The following ERI3 variants were observed in gnomAD, a reference collection of about 807,000 sequenced individuals.
ERI3 encodes the protein ERI1 exoribonuclease family member 3.
Under a neutral mutation model 44.4 loss-of-function variants are expected in ERI3, and 18 were observed. The ratio of observed to expected loss-of-function variants is 0.41; its 90% CI spans 0.28 to 0.60. ERI3 has a LOEUF of 0.60. ERI3 is among the 20% of genes least tolerant of loss of function. The pLI is 0.36. For missense variants in ERI3, 294 were observed against 435.5 expected, an observed-to-expected ratio of 0.68 and a Z score of 2.89; for synonymous variants, 183 against 164.8, an observed-to-expected ratio of 1.11 and a Z score of -0.84.
At chr1:44,335,045 T>G (rs775640131) in intron 3 of ERI3, among the ~76,000 whole-genome samples, 6 of 152,048 alleles carry the variant, frequency 3.9e-5, no homozygotes, top group Non-Finnish European at 7.4e-5. Flanking sequence ...GGATCTTGAG[T>G]ACTGAAAGTT....
rs528450358 is a variant in ERI3 at position 44,275,253 on chromosome 1, C to T, written c.831+9582G>A. 1.3e-3 allele frequency among the ~76,000 whole-genome samples: 196 copies of T among 152,202 alleles called. 2 individuals carry two copies. Among genetic ancestry groups the T allele is most frequent in the African/African-American group, 4.2e-3 (176 of 41,536 alleles). ...CAGCCACCCTTCTATAGAGTCCTAGCTTCTGTAGCAGCTTAATCCCCACAG... is the reference window on the plus strand; with the variant it reads ...CAGCCACCCTTCTATAGAGTCCTAGTTTCTGTAGCAGCTTAATCCCCACAG... On this transcript the variant is annotated intron_variant, in intron 7 of 8. Transcript: ENST00000372257.
chr1:44,327,435 A>G lies in ERI3; in HGVS notation c.490-7691T>C, dbSNP rs370651977. Among the ~76,000 whole-genome samples, 31 of 152,354 alleles carry G rather than the reference A, an allele frequency of 2.0e-4. No homozygotes were observed. The South Asian group carries it at 5.6e-3, about 27-fold the overall frequency. On this transcript the variant is annotated intron_variant, in intron 3 of 8. Transcript: ENST00000372257. ...GTTCTACTAATAAGAGCTAATACCT[A>G]TAAGCCATTACATATCAAACACTGT...
intron 7 of ERI3, among the ~76,000 whole-genome samples, chr1:44,271,708 C>T (rs1645091323): frequency 2.0e-5 from 3 of 152,268 alleles, no homozygotes; most frequent in Admixed American, 2.0e-4. Context: ...ATTATCTCTA[C>T]CTTACAAATG....
rs1644439299 is a variant in ERI3 at position 44,241,720 on chromosome 1, A to C, written c.931+6219T>G. On this transcript the variant is annotated intron_variant, in intron 8 of 8. Coordinates refer to ENST00000372257, the MANE Select transcript of ERI3 (RefSeq NM_024066.3). The surrounding 1 kb of genome is among the most constrained non-coding windows in gnomAD (Gnocchi z 5.6). ...ATGGTTTGACAGGAGATACAGAGAG[A>C]GACAAGGGGAGGCGAGGCCGGGGCC... Among the ~76,000 whole-genome samples the C allele has an allele frequency of 6.6e-6, 1 of 152,136 alleles. No homozygotes were observed. Among genetic ancestry groups the C allele is most frequent in the African/African-American group, 2.4e-5 (1 of 41,436 alleles).
chr1:44,349,693 T>G (rs977700221), intron 2 of ERI3, among the ~76,000 whole-genome samples: 1 of 152,234 alleles, frequency 6.6e-6, no homozygotes, highest in Non-Finnish European at 1.5e-5. Flanking sequence ...AAAATTTGAT[T>G]AGTGATAAAA....
At chr1:44,293,273 A>T (rs1208528299) in intron 6 of ERI3, among the ~76,000 whole-genome samples, 1 of 152,238 alleles carries the variant, frequency 6.6e-6, no homozygotes, top group Non-Finnish European at 1.5e-5. Flanking sequence ...ATGATGCTGG[A>T]GGGAGCTGGC....
chr1:44,314,157 G>C (rs1027325436), intron 4 of ERI3, among the ~76,000 whole-genome samples: 2 of 151,442 alleles, frequency 1.3e-5, no homozygotes, highest in African/African-American at 4.8e-5. Flanking sequence ...GTGTGTTGGG[G>C]GGGGGGAGAT....
At chr1:44,246,279 C>T (rs938810272) in intron 8 of ERI3, among the ~76,000 whole-genome samples, 2 of 152,182 alleles carry the variant, frequency 1.3e-5, no homozygotes, top group Non-Finnish European at 2.9e-5. Flanking sequence ...ACTGAGTCCT[C>T]CTATCTAAAA....
Position 44,325,755 on chromosome 1 carries a change from A to C in ERI3, c.490-6011T>G, listed in dbSNP as rs552651752. Reference sequence around the variant, plus strand: ...CGGCTCACTGCAACCTCCGCCTCCCAGGTTCAAGTGATTCTCATGCCTCAG... The same window carrying C: ...CGGCTCACTGCAACCTCCGCCTCCCCGGTTCAAGTGATTCTCATGCCTCAG... On this transcript the variant is annotated intron_variant, in intron 3 of 8. Transcript: ENST00000372257. Among the ~76,000 whole-genome samples, 17 of 151,880 alleles carry C rather than the reference A, an allele frequency of 1.1e-4. No individual in the cohort carries two copies. The East Asian group carries it at 3.3e-3, about 30-fold the overall frequency.
intron 5 of ERI3, among the ~76,000 whole-genome samples, chr1:44,311,970 C>T (rs1230348551): frequency 2.0e-5 from 3 of 152,102 alleles, no homozygotes; most frequent in Non-Finnish European, 2.9e-5. Context: ...CCCAATCTAC[C>T]GCAGGTGCCC....
intron 4 of ERI3, among the ~76,000 whole-genome samples, chr1:44,316,254 G>A (rs1646085822): frequency 6.6e-6 from 1 of 152,098 alleles, no homozygotes; most frequent in Non-Finnish European, 1.5e-5. Flanking sequence ...TGAGAACCAG[G>A]GCTCACAGGC....
In ERI3 at chr1:44,312,362, C is replaced by G. The variant is rs148296895; in HGVS notation, c.666+807G>C. On this transcript the variant is annotated intron_variant, in intron 5 of 8. Transcript: ENST00000372257. Reference sequence around the variant, plus strand: ...CGGGCTTTTTCTCTTCTCCCCTCCCCCTATAGAGAAAGACATGGGAGGGGG... The same window carrying G: ...CGGGCTTTTTCTCTTCTCCCCTCCCGCTATAGAGAAAGACATGGGAGGGGG... Among the ~76,000 whole-genome samples the G allele has an allele frequency of 9.9e-5, 15 of 152,208 alleles. No individual in the cohort carries two copies. In the East Asian group the frequency reaches 2.5e-3, roughly 25 times the overall value.
chr1:44,228,386 C>T lies in ERI3; in HGVS notation c.932-6746G>A, dbSNP rs77203648. Among the ~76,000 whole-genome samples the T allele has an allele frequency of 1.2e-4, 18 of 152,162 alleles. No homozygotes were observed. The highest frequency in any genetic ancestry group is 7.9e-4 in the Admixed American group (12 of 15,276). ...TAATAAGCGCGCTCCAAATAATTAG[C>T]GTGTTTTACGTAATAATGAAATTAC... On this transcript the variant is annotated intron_variant, in intron 8 of 8. Coordinates refer to ENST00000372257, the MANE Select transcript of ERI3 (RefSeq NM_024066.3). This position sits in a 1 kb window ranked among gnomAD's most constrained non-coding sequence, Gnocchi z 4.3.
chr1:44,232,182 A>T (rs1330737710), intron 8 of ERI3, among the ~76,000 whole-genome samples: 1 of 152,154 alleles, frequency 6.6e-6, no homozygotes, highest in African/African-American at 2.4e-5. Context: ...ACTGATACAG[A>T]ATGTAAAGGC....
chr1:44,352,405 C>CATAGATAG (rs71742610), intron 2 of ERI3, among the ~76,000 whole-genome samples: 68 of 147,566 alleles, frequency 4.6e-4, no homozygotes, highest in East Asian at 1.2e-3. Flanking sequence ...AGCAAGGTCT[C>CATAGATAG]ATAGATAGAT....
At chr1:44,247,397 C>G (rs1644576961) in intron 8 of ERI3, among the ~76,000 whole-genome samples, 1 of 152,280 alleles carries the variant, frequency 6.6e-6, no homozygotes, top group Non-Finnish European at 1.5e-5. Flanking sequence ...CCAAGTGGAC[C>G]CCCTCAACCC....
chr1:44,344,481 C>T (rs1464834000), intron 2 of ERI3, among the ~76,000 whole-genome samples: 1 of 152,116 alleles, frequency 6.6e-6, no homozygotes, highest in African/African-American at 2.4e-5. Flanking sequence ...AGCCCCTACT[C>T]AATGCCCACT....
intron 4 of ERI3, among the ~76,000 whole-genome samples, chr1:44,315,520 A>G (rs1001077015): frequency 6.6e-6 from 1 of 152,206 alleles, no homozygotes; most frequent in Non-Finnish European, 1.5e-5. Flanking sequence ...GGAGCTGGGG[A>G]AATGGAGCTC....
At chr1:44,286,328 C>T (rs1011073292) in intron 6 of ERI3, among the ~76,000 whole-genome samples, 28 of 152,258 alleles carry the variant, frequency 1.8e-4, no homozygotes, top group Non-Finnish European at 3.2e-4. Flanking sequence ...ATGCTTGATA[C>T]GCAATAAGCA....
Sources: allele counts gnomAD v4.1 joint callset (sites outside exome capture counted in the v4.1 genomes callset), GRCh38; gene constraint gnomAD v4.1.1; non-coding constraint Gnocchi (gnomAD v3.1); transcripts MANE v1.5; gene names NCBI Gene and HGNC (gene_info 2026-07-23, HGNC 2026-07-21).